The following RAB11A variants were observed in gnomAD, a reference collection of about 807,000 sequenced individuals.
RAB11A encodes RAB11A, member RAS oncogene family.
A neutral mutation model predicts 28.0 loss-of-function variants in RAB11A; 9 were observed. The observed-to-expected ratio is 0.32, with a 90% CI of 0.19 to 0.56. The LOEUF is 0.56. RAB11A is among the 20% of genes least tolerant of loss of function. The pLI, the probability that RAB11A is intolerant of heterozygous loss-of-function variation, is 0.91. For synonymous variants in RAB11A, 85 were observed against 88.2 expected (o/e 0.96, Z 0.20); for missense variants, 108 against 269.6 (o/e 0.40, Z 4.20).
In RAB11A at chr15:65,891,929, ACTG is replaced by A. The variant is rs2078300254; in HGVS notation, c.*4093_*4095del. The A allele has an allele frequency of 6.6e-6, 1 of 152,228 alleles. No homozygotes were observed. Among genetic ancestry groups the A allele is most frequent in the African/African-American group, 2.4e-5 (1 of 41,462 alleles). The allele number at this position is 152,228 out of a possible 1,614,324, so 9.4% of individuals were successfully genotyped here. ...TTATGGCTTTTGCTGTTAAAAAAAA[ACTG>A]CTGGCTTTTAATATGTACTTTAAAA... On this transcript the variant is annotated 3_prime_UTR_variant, in exon 5 of 5. Transcript: ENST00000261890.
At position 65,887,872 on chromosome 15, in the gene RAB11A, A is replaced by G; in HGVS notation, c.*32A>G. 4 of 1,521,088 alleles carry G rather than the reference A, an allele frequency of 2.6e-6. No homozygotes were observed. The highest frequency in any genetic ancestry group is 3.5e-6 in the Non-Finnish European group (4 of 1,135,180). The allele number at this position is 1,521,088 out of a possible 1,614,324, so 94.2% of individuals were successfully genotyped here. A position where few individuals can be genotyped will look rare whatever the true frequency, so the allele number is the denominator to read the frequency against. Reference sequence around the variant, plus strand: ...TCTCTTCTCCCCTAGAAGGCTGTGTATAGTCCATTTCCCAGGTCTGAGATT... The same window carrying G: ...TCTCTTCTCCCCTAGAAGGCTGTGTGTAGTCCATTTCCCAGGTCTGAGATT... On this transcript the variant is annotated 3_prime_UTR_variant, in exon 5 of 5. Transcript: ENST00000261890.
chr15:65,870,928 A>T (rs1356478478), intron 1 of RAB11A, among the ~76,000 whole-genome samples: 1 of 152,074 alleles, frequency 6.6e-6, no homozygotes, highest in Non-Finnish European at 1.5e-5. Flanking sequence ...AGTACAGTAG[A>T]TGCTTTTTTT....
chr15:65,876,969 G>A lies in RAB11A; in HGVS notation c.41-363G>A, dbSNP rs1007048094. On this transcript the variant is annotated intron_variant, in intron 1 of 4. Coordinates refer to ENST00000261890, the MANE Select transcript of RAB11A (RefSeq NM_004663.5). ...TAGTTTAGGATTTATCTTTGAAGTTGTTATCTTCTAAAGTAGTAAGATTGG... is the reference window on the plus strand; with the variant it reads ...TAGTTTAGGATTTATCTTTGAAGTTATTATCTTCTAAAGTAGTAAGATTGG... Among the ~76,000 whole-genome samples the A allele has an allele frequency of 2.0e-5, 3 of 152,066 alleles. No homozygotes were observed. In the East Asian group the frequency reaches 5.8e-4, roughly 29 times the overall value.
chr15:65,877,555 G>T lies in RAB11A; in HGVS notation c.236+28G>T. On this transcript the variant is annotated intron_variant, in intron 2 of 4. Transcript: ENST00000261890. The surrounding 1 kb of genome is among the most constrained non-coding windows in gnomAD (Gnocchi z 4.1). ...AAGTCTCATGGTTTTTAAGTTCTGT[G>T]AAATGGGTTGCCATCGAGTGAATTA... 6.3e-7 allele frequency: 1 copy of T among 1,588,446 alleles called. No individual in the cohort carries two copies. Among genetic ancestry groups the T allele is most frequent in the Non-Finnish European group, 8.6e-7 (1 of 1,164,682 alleles).
chr15:65,873,739 A>G (rs1166115443), intron 1 of RAB11A, among the ~76,000 whole-genome samples: 10 of 150,678 alleles, frequency 6.6e-5, no homozygotes, highest in Non-Finnish European at 1.5e-5. Flanking sequence ...TTTTAAGACT[A>G]TCCCACTTAC....
chr15:65,889,691 C>G lies in RAB11A; in HGVS notation c.*1851C>G, dbSNP rs1200850062. On this transcript the variant is annotated 3_prime_UTR_variant, in exon 5 of 5. Transcript: ENST00000261890. The stretch of plus-strand genomic sequence containing the variant: ...TCATATATAACAGTGTCACCAGACC[C>G]AGGAAAAGAAACCATCTCTATTTTA... The G allele has an allele frequency of 6.6e-6, 1 of 152,062 alleles. No homozygotes were observed. The highest frequency in any genetic ancestry group is 2.4e-5 in the African/African-American group (1 of 41,398). The allele number at this position is 152,062 out of a possible 1,614,324, so 9.4% of individuals were successfully genotyped here.
intron 1 of RAB11A, among the ~76,000 whole-genome samples, chr15:65,870,753 A>G (rs1442821312): frequency 6.6e-6 from 1 of 152,214 alleles, no homozygotes; most frequent in African/African-American, 2.4e-5. Flanking sequence ...TTTTGGTTAC[A>G]TTAAATATTT....
chr15:65,882,708 A>T (rs1409296139), intron 4 of RAB11A, among the ~76,000 whole-genome samples: 1 of 152,158 alleles, frequency 6.6e-6, no homozygotes, highest in East Asian at 1.9e-4. Context: ...ACTCCATGAG[A>T]TGATTTTGCT....
rs2078210405 is a variant in RAB11A, at chr15:65,879,696, A to G, written c.456A>G (p.Glu152=). Reference sequence around the variant, plus strand: ...AAAAGAATGGTTTGTCATTCATTGAAACTTCGGCCCTAGACTCTACAAATG... The same window carrying G: ...AAAAGAATGGTTTGTCATTCATTGAGACTTCGGCCCTAGACTCTACAAATG... ...FAEKNGLSFI[E]TSALDSTNVE... is the part of the protein sequence containing the mutation. The change falls in exon 4 of 5, where the codon GAA becomes GAG. Residue 152 remains glutamate (E), a synonymous_variant. Coordinates refer to ENST00000261890, the MANE Select transcript of RAB11A (RefSeq NM_004663.5). 1 of 1,599,026 alleles carries G rather than the reference A, an allele frequency of 6.3e-7. No homozygotes were observed.
At chr15:65,876,251 T>C (rs571009719) in intron 1 of RAB11A, among the ~76,000 whole-genome samples, 24 of 152,280 alleles carry the variant, frequency 1.6e-4, no homozygotes, top group African/African-American at 5.8e-4. Context: ...AAAAAAATCA[T>C]GGAGTCATAA....
chr15:65,877,328 C>T lies in RAB11A; in HGVS notation c.41-4C>T. ...ATCTGACATTGAATTCTTTGTCTTT[C>T]CAGTTGTCCTTATTGGAGATTCTGG... is the stretch of plus-strand genomic sequence containing the variant. On this transcript the variant is annotated splice_region_variant and splice_polypyrimidine_tract_variant and intron_variant, in intron 1 of 4. Transcript: ENST00000261890. This position sits in a 1 kb window ranked among gnomAD's most constrained non-coding sequence, Gnocchi z 4.1. The T allele has an allele frequency of 6.2e-7, 1 of 1,605,710 alleles. No individual in the cohort carries two copies. The highest frequency in any genetic ancestry group is 8.5e-7 in the Non-Finnish European group (1 of 1,174,570).
chr15:65,874,499 C>T (rs944656822), intron 1 of RAB11A, among the ~76,000 whole-genome samples: 2 of 152,070 alleles, frequency 1.3e-5, no homozygotes, highest in Non-Finnish European at 2.9e-5. Flanking sequence ...CCTTGGCCTT[C>T]CAAAGTGCTG....
Position 65,888,521 on chromosome 15 carries a change from G to A in RAB11A, c.*681G>A, listed in dbSNP as rs916015487. 6.6e-6 allele frequency: 1 copy of A among 152,182 alleles called. No individual in the cohort carries two copies. Among genetic ancestry groups the A allele is most frequent in the Non-Finnish European group, 1.5e-5 (1 of 68,020 alleles). The allele number at this position is 152,182 out of a possible 1,614,324, so 9.4% of individuals were successfully genotyped here. A position where few individuals can be genotyped will look rare whatever the true frequency, so the allele number is the denominator to read the frequency against. The stretch of plus-strand genomic sequence containing the variant: ...TGGTTGTGGGGCCATAAGTTAAACA[G>A]TGCTGCCTGGTAGGCTGGGAACTGA... On this transcript the variant is annotated 3_prime_UTR_variant, in exon 5 of 5. Coordinates refer to ENST00000261890, the MANE Select transcript of RAB11A (RefSeq NM_004663.5).
At chr15:65,878,051 G>A (rs896753190) in intron 3 of RAB11A, 96 bp downstream of exon 3, 1 of 1,213,198 alleles carries the variant, frequency 8.2e-7, no homozygotes, top group African/African-American at 1.5e-5. Context: ...TTTCAGAGAG[G>A]TAAACATGAA....
intron 4 of RAB11A, 118 bp from the exon 5 acceptor site, chr15:65,887,583 C>T: frequency 1.0e-6 from 1 of 955,858 alleles, no homozygotes; most frequent in Non-Finnish European, 1.5e-6. Flanking sequence ...TTTATGTATT[C>T]TCTGTTCAGT....
chr15:65,880,156 G>A (rs981958879), intron 4 of RAB11A, among the ~76,000 whole-genome samples: 6 of 152,148 alleles, frequency 3.9e-5, no homozygotes, highest in East Asian at 1.9e-4. Flanking sequence ...AAAAATTATA[G>A]CGACAAAATA....
intron 1 of RAB11A, among the ~76,000 whole-genome samples, chr15:65,870,249 TCTCGCGGTC>T (rs925891709): frequency 6.6e-6 from 1 of 152,184 alleles, no homozygotes. Flanking sequence ...GCCCCGCGGT[TCTCGCGGTC>T]CTTAACCTTC....
At position 65,877,279 on chromosome 15, in the gene RAB11A, G is replaced by A; in HGVS notation, c.41-53G>A. On this transcript the variant is annotated intron_variant, in intron 1 of 4. Coordinates refer to ENST00000261890, the MANE Select transcript of RAB11A (RefSeq NM_004663.5). This position sits in a 1 kb window ranked among gnomAD's most constrained non-coding sequence, Gnocchi z 4.1. ...TTCATTCTGTTGAAAGCATAGTGGT[G>A]TTCTGAATATGTTTGCCTCATTCAT... 1.4e-6 allele frequency: 2 copies of A among 1,422,180 alleles called. No homozygotes were observed. Among genetic ancestry groups the A allele is most frequent in the Non-Finnish European group, 1.9e-6 (2 of 1,032,800 alleles). The allele number at this position is 1,422,180 out of a possible 1,614,324, so 88.1% of individuals were successfully genotyped here.
intron 4 of RAB11A, among the ~76,000 whole-genome samples, chr15:65,884,078 A>G (rs1187744931): frequency 6.6e-6 from 1 of 152,064 alleles, no homozygotes; most frequent in Non-Finnish European, 1.5e-5. Context: ...GAAGGTTGAC[A>G]GTGGTTCAAA....
Sources: allele counts gnomAD v4.1 joint callset (sites outside exome capture counted in the v4.1 genomes callset), GRCh38; gene constraint gnomAD v4.1.1; non-coding constraint Gnocchi (gnomAD v3.1); transcripts MANE v1.5; gene names NCBI Gene and HGNC (gene_info 2026-07-23, HGNC 2026-07-21).